DACH1: variants seen among roughly 807,000 people sequenced by gnomAD.
The protein encoded by DACH1 is dachshund family transcription factor 1.
In DACH1, 12 loss-of-function variants were observed where a neutral mutation model predicts 54.2. The observed-to-expected ratio is 0.22, with a 90% CI of 0.14 to 0.36. The LOEUF is 0.36. DACH1 is among the 10% of genes least tolerant of loss of function. The pLI is 1.00. For synonymous variants in DACH1, 386 were observed against 366.2 expected, an observed-to-expected ratio of 1.05 and a Z score of -0.62; for missense variants, 805 against 929.8, an observed-to-expected ratio of 0.87 and a Z score of 1.75.
intron 6 of DACH1, among the ~76,000 whole-genome samples, chr13:71,552,803 A>G (rs1883911640): frequency 1.2e-4 from 2 of 16,350 alleles, no homozygotes; most frequent in African/African-American, 4.9e-4. Flanking sequence ...ATATATATAT[A>G]TATATATATA....
At position 71,634,668 on chromosome 13, in the gene DACH1, CT is replaced by C. The variant is rs1877340499; in HGVS notation, c.965-3952del. Among the ~76,000 whole-genome samples the C allele has an allele frequency of 3.3e-5, 5 of 152,248 alleles. No homozygotes were observed. In the South Asian group the frequency reaches 1.0e-3, roughly 32 times the overall value. On this transcript the variant is annotated intron_variant, in intron 2 of 10. Coordinates refer to ENST00000613252, the MANE Select transcript of DACH1 (RefSeq NM_080759.6). ...CTCAAGAATTAGCTCATGGCTTACT[CT>C]TTTAAAGAGCTGTACCTGACCTTCC...
chr13:71,462,096 C>G (rs952573844), intron 10 of DACH1, among the ~76,000 whole-genome samples: 3 of 151,818 alleles, frequency 2.0e-5, no homozygotes, highest in Non-Finnish European at 4.4e-5. Context: ...TTGTAGCCAT[C>G]ATTCATCGTT....
chr13:71,471,229 G>A (rs1339597009), intron 10 of DACH1, among the ~76,000 whole-genome samples: 1 of 151,996 alleles, frequency 6.6e-6, no homozygotes, highest in Non-Finnish European at 1.5e-5. Context: ...GCTCCACTCT[G>A]CCCTCATTAC....
chr13:71,522,353 CA>C (rs1027672556), intron 6 of DACH1, among the ~76,000 whole-genome samples: 4 of 151,874 alleles, frequency 2.6e-5, no homozygotes, highest in African/African-American at 9.7e-5. Context: ...GATTATAAAT[CA>C]AAAAAACCTG....
Position 71,715,040 on chromosome 13 carries a change from C to T in DACH1, c.849-33130G>A, listed in dbSNP as rs114356509. The stretch of plus-strand genomic sequence containing the variant: ...TCTATCTCATTTAAATTCCAACAAC[C>T]GTTTTAGGCAGATATTATTATCTCC... On this transcript the variant is annotated intron_variant, in intron 1 of 10. Transcript: ENST00000613252. Among the ~76,000 whole-genome samples, 763 of 152,110 alleles carry T rather than the reference C, an allele frequency of 5.0e-3. 6 individuals carry two copies. The highest frequency in any genetic ancestry group is 0.017 in the African/African-American group (704 of 41,520).
At chr13:71,816,121 T>C (rs146023486) in intron 1 of DACH1, among the ~76,000 whole-genome samples, 1 of 152,124 alleles carries the variant, frequency 6.6e-6, no homozygotes, top group Non-Finnish European at 1.5e-5. Context: ...AAGCTCAGAT[T>C]AACCAAAACT....
At chr13:71,483,498 A>G (rs898203087) in intron 7 of DACH1, among the ~76,000 whole-genome samples, 2 of 147,098 alleles carry the variant, frequency 1.4e-5, no homozygotes, top group African/African-American at 4.9e-5. Flanking sequence ...TTAATATAAT[A>G]TAAATGAATA....
chr13:71,689,202 A>T (rs1881345922), intron 1 of DACH1, among the ~76,000 whole-genome samples: 1 of 152,200 alleles, frequency 6.6e-6, no homozygotes, highest in South Asian at 2.1e-4. Context: ...CATGAGAATT[A>T]TTCCCCAAAA....
At chr13:71,724,262 TAATTTTAC>T (rs1883372440) in intron 1 of DACH1, among the ~76,000 whole-genome samples, 1 of 152,232 alleles carries the variant, frequency 6.6e-6, no homozygotes, top group African/African-American at 2.4e-5. Context: ...AAGTGAGAAG[TAATTTTAC>T]ATTTGAAAAC....
At chr13:71,788,758 T>C (rs1486558444) in intron 1 of DACH1, among the ~76,000 whole-genome samples, 2 of 149,150 alleles carry the variant, frequency 1.3e-5, no homozygotes, top group Non-Finnish European at 2.9e-5. Flanking sequence ...TTCAACCTTT[T>C]TTCACAGCTC....
At chr13:71,796,476 T>C (rs1887055659) in intron 1 of DACH1, among the ~76,000 whole-genome samples, 1 of 152,032 alleles carries the variant, frequency 6.6e-6, no homozygotes, top group African/African-American at 2.4e-5. Flanking sequence ...AAATTTTCAG[T>C]ATTAGTAATT....
At chr13:71,689,231 C>T (rs1435088723) in intron 1 of DACH1, among the ~76,000 whole-genome samples, 1 of 152,140 alleles carries the variant, frequency 6.6e-6, no homozygotes, top group Non-Finnish European at 1.5e-5. Context: ...AACAGCAATT[C>T]ACATATTCCA....
At chr13:71,482,063 C>T (rs1878085051) in intron 7 of DACH1, among the ~76,000 whole-genome samples, 1 of 152,088 alleles carries the variant, frequency 6.6e-6, no homozygotes, top group African/African-American at 2.4e-5. Flanking sequence ...AATGACAAGT[C>T]TAATGAAATA....
At chr13:71,679,343 A>G (rs908318268) in intron 2 of DACH1, among the ~76,000 whole-genome samples, 4 of 152,124 alleles carry the variant, frequency 2.6e-5, no homozygotes, top group Non-Finnish European at 4.4e-5. Context: ...AAGTTACTTG[A>G]TGGTGTTAAT....
chr13:71,517,080 T>C (rs1222482119), intron 6 of DACH1, among the ~76,000 whole-genome samples: 1 of 151,816 alleles, frequency 6.6e-6, no homozygotes, highest in Non-Finnish European at 1.5e-5. Flanking sequence ...AAAGTTTCTC[T>C]TCTTAAAAAT....
At chr13:71,451,375 C>A (rs941873996) in intron 10 of DACH1, among the ~76,000 whole-genome samples, 2 of 152,074 alleles carry the variant, frequency 1.3e-5, no homozygotes, top group African/African-American at 4.8e-5. Flanking sequence ...AGATAAAATA[C>A]CGTATTTGTG....
chr13:71,605,852 T>C (rs1026531142), intron 3 of DACH1, among the ~76,000 whole-genome samples: 2 of 152,004 alleles, frequency 1.3e-5, no homozygotes, highest in Non-Finnish European at 1.5e-5. Flanking sequence ...TGAAAGTGAT[T>C]GTTGAACATT....
At chr13:71,482,785 A>G (rs1469061906) in intron 7 of DACH1, among the ~76,000 whole-genome samples, 2 of 148,010 alleles carry the variant, frequency 1.4e-5, no homozygotes, top group Non-Finnish European at 3.0e-5. Context: ...GTACAGTATC[A>G]ACTGACAGTT....
chr13:71,511,832 T>C (rs1247863600), intron 6 of DACH1, among the ~76,000 whole-genome samples: 2 of 151,964 alleles, frequency 1.3e-5, no homozygotes, highest in Non-Finnish European at 2.9e-5. Flanking sequence ...CAATCTTTTG[T>C]TTCAGCAGAA....
Sources: gnomAD v4.1 joint callset for allele counts (sites outside exome capture counted in the v4.1 genomes callset) on GRCh38, gnomAD v4.1.1 for gene constraint, MANE v1.5 for transcripts, NCBI Gene and HGNC (gene_info 2026-07-23, HGNC 2026-07-21) for gene names.